The following TMEM175 variants were observed in gnomAD, a reference collection of about 807,000 sequenced individuals.
The protein encoded by TMEM175 is endosomal/lysosomal proton channel TMEM175.
In TMEM175, 36 loss-of-function variants were observed where a neutral mutation model predicts 36.5. That is an observed-to-expected ratio of 0.99 (90% CI 0.76 to 1.30). The LOEUF is 1.30. Ranked by LOEUF, TMEM175 falls within the 50% of genes most tolerant of loss-of-function variation. TMEM175 has a pLI of 0.00. For synonymous variants in TMEM175, 339 were observed against 313.4 expected, an observed-to-expected ratio of 1.08 and a Z score of -0.86; for missense variants, 705 against 692.8, an observed-to-expected ratio of 1.02 and a Z score of -0.20.
Position 950,477 on chromosome 4 carries a change from G to A in TMEM175, c.249G>A (p.Met83Ile). 1 of 1,614,106 alleles carries A rather than the reference G, an allele frequency of 6.2e-7. No homozygotes were observed. Among genetic ancestry groups the A allele is most frequent in the Non-Finnish European group, 8.5e-7 (1 of 1,180,004 alleles). ...CAACACGGATTGCCGTCTACCTGATGACCTTTCTCATCGTGACAGTGGCCT... is the reference window on the plus strand; with the variant it reads ...CAACACGGATTGCCGTCTACCTGATAACCTTTCTCATCGTGACAGTGGCCT... ...LLATRIAVYL[M>I]TFLIVTVAWA... Residue 83 changes from methionine to isoleucine, a missense_variant, in exon 4 of 11, where the codon ATG becomes ATA. Transcript: ENST00000264771.
chr4:936,217 C>T (rs1004173964), intron 1 of TMEM175, among the ~76,000 whole-genome samples: 5 of 151,378 alleles, frequency 3.3e-5, no homozygotes, highest in African/African-American at 1.2e-4. Flanking sequence ...TGCCTGTGCA[C>T]GCCTGTAGTT....
chr4:948,281 G>A (rs1728442470), intron 3 of TMEM175, 127 bp downstream of exon 3: 24 of 1,584,446 alleles, frequency 1.5e-5, no homozygotes, highest in Non-Finnish European at 2.1e-5. Context: ...GGCAGAGGCG[G>A]GAGGCGGGGG....
chr4:947,197 C>A (rs768117506), intron 1 of TMEM175, among the ~76,000 whole-genome samples: 1 of 144,878 alleles, frequency 6.9e-6, no homozygotes, highest in Non-Finnish European at 1.5e-5. Flanking sequence ...AGGGAGAGCG[C>A]GGCCCCTGTA....
intron 1 of TMEM175, among the ~76,000 whole-genome samples, chr4:941,999 T>G (rs1577394510): frequency 6.6e-6 from 1 of 152,174 alleles, no homozygotes; most frequent in Non-Finnish European, 1.5e-5. Context: ...TTTACATCAT[T>G]GATCCACTTC....
At chr4:937,730 C>T (rs372033236) in intron 1 of TMEM175, among the ~76,000 whole-genome samples, 1 of 152,184 alleles carries the variant, frequency 6.6e-6, no homozygotes, top group African/African-American at 2.4e-5. Context: ...TCCACAAAGA[C>T]GTTACTAGAA....
Position 957,715 on chromosome 4 carries a change from T to C in TMEM175, c.843-109T>C, listed in dbSNP as rs1218196621. 5.5e-6 allele frequency: 6 copies of C among 1,094,058 alleles called. No homozygotes were observed. The East Asian group carries it at 1.4e-4, about 26-fold the overall frequency. 67.8% of individuals were successfully genotyped at this position (1,094,058 alleles called of 1,614,324 possible). A position where few individuals can be genotyped will look rare whatever the true frequency, so the allele number is the denominator to read the frequency against. On this transcript the variant is annotated intron_variant, in intron 10 of 10. Coordinates refer to ENST00000264771, the MANE Select transcript of TMEM175 (RefSeq NM_032326.4). ...CACACTGGGAAGTCCACATGGTTCA[T>C]CTGAAAACGTGCCAGATCCAGGCAG...
At chr4:954,356 G>A (rs951493462) in intron 8 of TMEM175, among the ~76,000 whole-genome samples, 2 of 152,222 alleles carry the variant, frequency 1.3e-5, no homozygotes, top group Non-Finnish European at 2.9e-5. Context: ...GTGTTTGGAG[G>A]AGGAGCCCCT....
intron 1 of TMEM175, among the ~76,000 whole-genome samples, chr4:934,240 G>A (rs1383162120): frequency 6.6e-6 from 1 of 152,226 alleles, no homozygotes; most frequent in South Asian, 2.1e-4. Flanking sequence ...GCTGAAGAGA[G>A]GACCAACAGA....
intron 7 of TMEM175, among the ~76,000 whole-genome samples, chr4:952,758 G>C (rs887890603): frequency 6.2e-5 from 9 of 144,422 alleles, no homozygotes; most frequent in East Asian, 2.2e-4. Context: ...GCCCTGTGCT[G>C]TGTGTGTGTG....
At chr4:952,756 C>CTGTGTGTGTGTGTGTGCTG (rs1560493514) in intron 7 of TMEM175, among the ~76,000 whole-genome samples, 1 of 142,590 alleles carries the variant, frequency 7.0e-6, no homozygotes, top group Non-Finnish European at 1.5e-5. Context: ...GGGCCCTGTG[C>CTGTGTGTGTGTGTGTGCTG]TGTGTGTGTG....
At chr4:956,183 C>T (rs1477808421) in intron 10 of TMEM175, 5 of 776,156 alleles carry the variant, frequency 6.4e-6, no homozygotes, top group East Asian at 8.0e-5. Flanking sequence ...CTCCTCACTC[C>T]TCTCAGAGGG....
chr4:957,639 C>T (rs1001867982), intron 10 of TMEM175, among the ~76,000 whole-genome samples, 185 bp from the exon 11 acceptor site: 7 of 152,232 alleles, frequency 4.6e-5, no homozygotes, highest in South Asian at 4.1e-4. Context: ...ATGAACAGCA[C>T]GTAACAGTCA....
At chr4:950,887 T>G (rs527281806) in intron 4 of TMEM175, among the ~76,000 whole-genome samples, 1 of 128,638 alleles carries the variant, frequency 7.8e-6, no homozygotes, top group South Asian at 2.6e-4. Context: ...GAGGTGTGGA[T>G]GGTGCAATAG....
rs11552301 is a variant in TMEM175, at chr4:952,438, T to C, written c.450T>C (p.Ile150=). The change falls in exon 7 of 11, where the codon ATT becomes ATC. Residue 150 remains isoleucine (I), a synonymous_variant. Coordinates refer to ENST00000264771, the MANE Select transcript of TMEM175 (RefSeq NM_032326.4). ...IFLFCVCVIA[I]GVVQALIVGY... ...TGTTCTGTGTGTGTGTGATCGCCAT[T>C]GGGGTCGTGCAGGTAGGGGGCCTGG... 962,830 of 1,601,740 alleles carry C rather than the reference T, an allele frequency of 0.6. 291,699 individuals are homozygous for C. The highest frequency in any genetic ancestry group is 0.72 in the African/African-American group (53,070 of 73,314).
intron 3 of TMEM175, 168 bp downstream of exon 3, chr4:948,322 C>T: frequency 6.5e-7 from 1 of 1,543,130 alleles, no homozygotes; most frequent in Non-Finnish European, 8.7e-7. Context: ...GCCAACAAGT[C>T]CTGCTCAGCC....
intron 1 of TMEM175, among the ~76,000 whole-genome samples, chr4:933,088 T>C (rs1331441399): frequency 6.6e-6 from 1 of 152,226 alleles, no homozygotes; most frequent in Non-Finnish European, 1.5e-5. Context: ...TATTTGGAGA[T>C]GAAATGGTGA....
At position 955,814 on chromosome 4, in the gene TMEM175, C is replaced by T; in HGVS notation, c.766C>T (p.Leu256Phe). 1 of 1,614,070 alleles carries T rather than the reference C, an allele frequency of 6.2e-7. No individual in the cohort carries two copies. Among genetic ancestry groups the T allele is most frequent in the Non-Finnish European group, 8.5e-7 (1 of 1,180,000 alleles). ...EVFSFDLHEP[L>F]SKERVEAFSD... ...CTTCTCGTTTGACCTCCACGAGCCACTCAGCAAGGAGCGCGTGGAAGCCTT... is the reference window on the plus strand; with the variant it reads ...CTTCTCGTTTGACCTCCACGAGCCATTCAGCAAGGAGCGCGTGGAAGCCTT... Residue 256 changes from leucine to phenylalanine, a missense_variant, in exon 10 of 11, where the codon CTC becomes TTC. Transcript: ENST00000264771.
At chr4:939,284 G>C (rs1320941102) in intron 1 of TMEM175, among the ~76,000 whole-genome samples, 2 of 152,238 alleles carry the variant, frequency 1.3e-5, no homozygotes, top group Non-Finnish European at 2.9e-5. Context: ...CACGTGTTTA[G>C]AAAAAGGAAC....
In TMEM175 at chr4:950,458, G is replaced by A. The variant is rs774786858; in HGVS notation, c.230G>A (p.Arg77Gln). Residue 77 changes from arginine (R) to glutamine (Q), a missense_variant, in exon 4 of 11, where the codon CGG (arginine) becomes CAG (glutamine). Coordinates refer to ENST00000264771, the MANE Select transcript of TMEM175 (RefSeq NM_032326.4). ...DRSVQRLLAT[R>Q]IAVYLMTFLI... ...AGTGTACAGAGGCTTCTGGCAACAC[G>A]GATTGCCGTCTACCTGATGACCTTT... The A allele has an allele frequency of 9.9e-6, 16 of 1,614,118 alleles. No individual in the cohort carries two copies. Among genetic ancestry groups the A allele is most frequent in the Admixed American group, 3.3e-5 (2 of 60,022 alleles).
Sources: gnomAD v4.1 joint callset for allele counts (sites outside exome capture counted in the v4.1 genomes callset) on GRCh38, gnomAD v4.1.1 for gene constraint, MANE v1.5 for transcripts, NCBI Gene and HGNC (gene_info 2026-07-23, HGNC 2026-07-21) for gene names.